Variants in ADAMTS13 observed in about 807,000 individuals in gnomAD.
ADAMTS13 encodes A disintegrin and metalloproteinase with thrombospondin motifs 13.
ADAMTS13 carries 110 observed loss-of-function variants against 155.1 expected under a neutral mutation model. The observed-to-expected ratio is 0.71, with a 90% CI of 0.61 to 0.83. ADAMTS13 has a LOEUF of 0.83. Among genes scored for constraint, ADAMTS13 ranks in the 40% least tolerant of loss-of-function variants. ADAMTS13 has a pLI of 0.00. For synonymous variants in ADAMTS13, 758 were observed against 756.4 expected (o/e 1.00, Z -0.03); for missense variants, 1,707 against 1,891.7 (o/e 0.90, Z 1.81).
chr9:133,455,060 T>C (rs1842658823), intron 24 of ADAMTS13, among the ~76,000 whole-genome samples: 1 of 152,082 alleles, frequency 6.6e-6, no homozygotes, highest in African/African-American at 2.4e-5. Flanking sequence ...AGAGAGGCCG[T>C]GAGGGTGACA....
At chr9:133,438,405 C>T (rs910040540) in intron 14 of ADAMTS13, 39 bp downstream of exon 14, 1 of 1,610,736 alleles carries the variant, frequency 6.2e-7, no homozygotes, top group Non-Finnish European at 8.5e-7. Flanking sequence ...GGGCTTCCCC[C>T]AGCCTCCAAG....
chr9:133,427,896 T>TG (rs1840388414), intron 6 of ADAMTS13, among the ~76,000 whole-genome samples: 2 of 152,190 alleles, frequency 1.3e-5, no homozygotes, highest in Non-Finnish European at 2.9e-5. Flanking sequence ...GTTTTCGTCA[T>TG]GGAAAAGGGG....
Position 133,437,735 on chromosome 9 carries a change from C to T in ADAMTS13, c.1436-14C>T, listed in dbSNP as rs587711637. On this transcript the variant is annotated splice_polypyrimidine_tract_variant and intron_variant, in intron 12 of 28. Coordinates refer to ENST00000355699, the MANE Select transcript of ADAMTS13 (RefSeq NM_139027.6). ...GCTCGGTTCAGGACACCCTTTTTCA[C>T]TCTGCCCTCCCAGGGGATGCTCTGT... 1 of 1,613,570 alleles carries T rather than the reference C, an allele frequency of 6.2e-7. No individual in the cohort carries two copies. The highest frequency in any genetic ancestry group is 8.5e-7 in the Non-Finnish European group (1 of 1,180,036).
chr9:133,435,997 TA>T (rs1234722116), intron 11 of ADAMTS13, among the ~76,000 whole-genome samples: 1 of 149,174 alleles, frequency 6.7e-6, no homozygotes, highest in African/African-American at 2.5e-5. Context: ...TTTTTTTTTT[TA>T]ATAGAGATGG....
intron 11 of ADAMTS13, 51 bp from the exon 12 acceptor site, chr9:133,436,778 A>ACCCCCCCCCCCCCCCCCCCCCC: frequency 2.3e-6 from 1 of 433,950 alleles, no homozygotes; most frequent in East Asian, 8.0e-5. Flanking sequence ...CAGTGACAAC[A>ACCCCCCCCCCCCCCCCCCCCCC]CCCGCCCCCC....
chr9:133,456,169 G>T lies in ADAMTS13; in HGVS notation c.3501G>T (p.Glu1167Asp). 3 of 1,613,598 alleles carry T rather than the reference G, an allele frequency of 1.9e-6. No homozygotes were observed. Among genetic ancestry groups the T allele is most frequent in the South Asian group, 1.1e-5 (1 of 91,084 alleles). ...TGGCCATTGGGCGGCCCCTCGGGGA[G>T]GTGGTGACCCTCCGCGTCCTTGAGA... ...CAVAIGRPLG[E>D]VVTLRVLESS... The change falls in exon 26 of 29, where the codon GAG becomes GAT. Residue 1167 changes from glutamate (E) to aspartate (D), a missense_variant. Physicochemically the swap from Glu to Asp is conservative, Grantham distance 45. Around this residue, in one of 3 missense-constraint regions of ADAMTS13, gnomAD observed 961 missense variants for 1,107.9 expected, o/e 0.87. Transcript: ENST00000355699. The surrounding 1 kb of genome is among the most constrained non-coding windows in gnomAD (Gnocchi z 4.4).
rs930301415 is a variant in ADAMTS13, at chr9:133,428,629, A to C, written c.687-5A>C. 5 of 1,108,636 alleles carry C rather than the reference A, an allele frequency of 4.5e-6. No individual in the cohort carries two copies. The allele number at this position is 1,108,636 out of a possible 1,614,324, so 68.7% of individuals were successfully genotyped here. ...CCTTAGCGCAACTCCCCGCCCCCCG[A>C]CCAGCTTCGGCCTGGAGCACGACGG... On this transcript the variant is annotated splice_polypyrimidine_tract_variant and splice_region_variant and intron_variant, in intron 6 of 28. Coordinates refer to ENST00000355699, the MANE Select transcript of ADAMTS13 (RefSeq NM_139027.6).
At position 133,445,802 on chromosome 9, in the gene ADAMTS13, C is replaced by T; in HGVS notation, c.2714C>T (p.Ser905Phe). 1 of 1,586,762 alleles carries T rather than the reference C, an allele frequency of 6.3e-7. No individual in the cohort carries two copies. The part of the protein sequence containing the change: ...HVWTPAAGSC[S>F]VSCGRGLMEL... ...TGGACCCCTGCGGCAGGGTCGTGCTCCGTCTCCTGCGGGCGAGGTGAGGGC... is the reference window on the plus strand; with the variant it reads ...TGGACCCCTGCGGCAGGGTCGTGCTTCGTCTCCTGCGGGCGAGGTGAGGGC... Residue 905 changes from serine (S) to phenylalanine (F), a missense_variant, in exon 21 of 29, where the codon TCC becomes TTC. Transcript: ENST00000355699. The surrounding 1 kb of genome is among the most constrained non-coding windows in gnomAD (Gnocchi z 5.0).
At chr9:133,429,734 A>C (rs1588159379) in intron 7 of ADAMTS13, 3 of 745,630 alleles carry the variant, frequency 4.0e-6, no homozygotes, top group Admixed American at 2.0e-5. Flanking sequence ...TCTGCTGGCC[A>C]CCCACCTCTG....
Position 133,424,330 on chromosome 9 carries a change from C to G in ADAMTS13, c.182C>G (p.Pro61Arg), listed in dbSNP as rs1554784541. Residue 61 changes from proline (P) to arginine (R), a missense_variant, in exon 3 of 29, where the codon CCT becomes CGT. Coordinates refer to ENST00000355699, the MANE Select transcript of ADAMTS13 (RefSeq NM_139027.6). The surrounding 1 kb of genome is among the most constrained non-coding windows in gnomAD (Gnocchi z 4.3). Reference sequence around the variant, plus strand: ...CCCTCTCCCCCTCCAGGCCGCCCTCCTTCCCCTGGCTTCCAGAGGCAGAGG... The same window carrying G: ...CCCTCTCCCCCTCCAGGCCGCCCTCGTTCCCCTGGCTTCCAGAGGCAGAGG... ...SPGAPLKGRPPSPGFQRQRQR... is the reference protein window; with the variant it reads ...SPGAPLKGRPRSPGFQRQRQR... 3 of 1,612,798 alleles carry G rather than the reference C, an allele frequency of 1.9e-6. No homozygotes were observed. The highest frequency in any genetic ancestry group is 1.7e-6 in the Non-Finnish European group (2 of 1,179,932).
Position 133,425,630 on chromosome 9 carries a change from A to T in ADAMTS13, c.414+18A>T. ...AGCCTGAGGTAGGCATGGAGCTGGA[A>T]CTCAGCACACCATACAGAGCGGGAA... On this transcript the variant is annotated intron_variant, in intron 4 of 28. Transcript: ENST00000355699. This position sits in a 1 kb window ranked among gnomAD's most constrained non-coding sequence, Gnocchi z 4.6. 2 of 1,611,772 alleles carry T rather than the reference A, an allele frequency of 1.2e-6. No individual in the cohort carries two copies. Among genetic ancestry groups the T allele is most frequent in the Non-Finnish European group, 1.7e-6 (2 of 1,179,082 alleles).
In ADAMTS13 at chr9:133,433,441, C is replaced by A. The variant is rs142214608; in HGVS notation, c.1156C>A (p.Arg386Ser). 22 of 1,613,340 alleles carry A rather than the reference C, an allele frequency of 1.4e-5. No homozygotes were observed. In the African/African-American group the frequency reaches 2.4e-4, roughly 18 times the overall value. Residue 386 changes from arginine to serine, a missense_variant, in exon 10 of 29, where the codon CGC (arginine) becomes AGC (serine). By Grantham distance (110) the Arg-to-Ser change is moderately radical (BLOSUM62 -1). Around this residue, in one of 3 missense-constraint regions of ADAMTS13, gnomAD observed 733 missense variants for 749.6 expected, o/e 0.98. Coordinates refer to ENST00000355699, the MANE Select transcript of ADAMTS13 (RefSeq NM_139027.6). The part of the protein sequence containing the change: ...ELTPIAAVHG[R>S]WSSWGPRSPC... Reference sequence around the variant, plus strand: ...GACCCCCATAGCAGCAGTGCATGGGCGCTGGTCTAGCTGGGGTCCCCGAAG... The same window carrying A: ...GACCCCCATAGCAGCAGTGCATGGGAGCTGGTCTAGCTGGGGTCCCCGAAG...
Position 133,423,150 on chromosome 9 carries a change from C to T in ADAMTS13, c.155C>T (p.Pro52Leu). The T allele has an allele frequency of 6.2e-7, 1 of 1,613,962 alleles. No homozygotes were observed. Among genetic ancestry groups the T allele is most frequent in the Non-Finnish European group, 8.5e-7 (1 of 1,179,972 alleles). Residue 52 changes from proline to leucine, a missense_variant, in exon 2 of 29, where the codon CCT (proline) becomes CTT (leucine). Pro to Leu is a moderately conservative substitution (Grantham distance 98, BLOSUM62 -3). Coordinates refer to ENST00000355699, the MANE Select transcript of ADAMTS13 (RefSeq NM_139027.6). ...EPQAVSSYLSPGAPLKGRPPS... is the reference protein window; with the variant it reads ...EPQAVSSYLSLGAPLKGRPPS... ...CAGGCCGTGTCTTCTTACTTGAGCC[C>T]TGGTGCTCCCTTAAAAGGTACTTGT...
intron 28 of ADAMTS13, among the ~76,000 whole-genome samples, chr9:133,458,481 GGGAGGT>G (rs1842875010): frequency 1.3e-5 from 2 of 149,504 alleles, no homozygotes; most frequent in Non-Finnish European, 3.0e-5. Flanking sequence ...ACTTGAACCC[GGGAGGT>G]GGAGGTTGCA....
At chr9:133,439,340 A>C in intron 14 of ADAMTS13, 26 bp from the exon 15 acceptor site, 62 of 1,480,364 alleles carry the variant, frequency 4.2e-5, no homozygotes, top group Non-Finnish European at 4.9e-5. Context: ...AGGTCCACGC[A>C]TCTCTCCTTC....
intron 25 of ADAMTS13, 176 bp from the exon 26 acceptor site, chr9:133,455,893 G>A (rs2130945280): frequency 2.3e-6 from 2 of 857,278 alleles, no homozygotes; most frequent in South Asian, 1.5e-5. Flanking sequence ...GTGCCCTGAG[G>A]GTGATGCTCT....
chr9:133,425,445 T>C lies in ADAMTS13; in HGVS notation c.331-84T>C. The C allele has an allele frequency of 7.8e-7, 1 of 1,286,476 alleles. No homozygotes were observed. The highest frequency in any genetic ancestry group is 1.1e-6 in the Non-Finnish European group (1 of 913,106). 79.7% of individuals were successfully genotyped at this position (1,286,476 alleles called of 1,614,324 possible). On this transcript the variant is annotated intron_variant, in intron 3 of 28. Transcript: ENST00000355699. The surrounding 1 kb of genome is among the most constrained non-coding windows in gnomAD (Gnocchi z 4.6). ...GAGTAGCCTCTCCAGCTCTTCACAC[T>C]CCGGGGGCCCCTGGGAGTCAGCAGC...
upstream of ADAMTS13, among the ~76,000 whole-genome samples, chr9:133,417,021 T>A (rs777889602): frequency 6.6e-6 from 1 of 152,200 alleles, no homozygotes; most frequent in Non-Finnish European, 1.5e-5. Flanking sequence ...CTTTCGTTGT[T>A]GTTGTTTGAG....
rs587698063 is a variant in ADAMTS13 at position 133,441,697 on chromosome 9, C to A, written c.1969-702C>A. ...TGCTGAAGTTCTTCCTAGTGCTCTC[C>A]GGGCCAGTCCCAAGCCAGTAGCTGG... On this transcript the variant is annotated intron_variant, in intron 16 of 28. Coordinates refer to ENST00000355699, the MANE Select transcript of ADAMTS13 (RefSeq NM_139027.6). The surrounding 1 kb of genome is among the most constrained non-coding windows in gnomAD (Gnocchi z 5.0). 6.6e-6 allele frequency among the ~76,000 whole-genome samples: 1 copy of A among 152,192 alleles called. No homozygotes were observed. The highest frequency in any genetic ancestry group is 1.5e-5 in the Non-Finnish European group (1 of 68,032).
Sources: allele counts gnomAD v4.1 joint callset (sites outside exome capture counted in the v4.1 genomes callset), GRCh38; gene constraint gnomAD v4.1.1; regional missense constraint gnomAD v4.1.1; non-coding constraint Gnocchi (gnomAD v3.1); transcripts MANE v1.5; gene names NCBI Gene and HGNC (gene_info 2026-07-23, HGNC 2026-07-21).